STRBP: variants seen among roughly 807,000 people sequenced by gnomAD.
STRBP encodes spermatid perinuclear RNA-binding protein.
A neutral mutation model predicts 80.1 loss-of-function variants in STRBP; 13 were observed. That is an observed-to-expected ratio of 0.16 (90% CI 0.11 to 0.26). STRBP has a LOEUF of 0.26. Among genes scored for constraint, STRBP ranks in the 10% least tolerant of loss-of-function variants. The probability of loss-of-function intolerance (pLI) is 1.00; values close to 1 mark genes in which losing one functional copy is unlikely to be tolerated. For missense variants in STRBP, 485 were observed against 815.2 expected, an observed-to-expected ratio of 0.59 and a Z score of 4.93; for synonymous variants, 284 against 291.2, an observed-to-expected ratio of 0.98 and a Z score of 0.25.
At chr9:123,249,440 G>C (rs1042822247) in intron 1 of STRBP, among the ~76,000 whole-genome samples, 3 of 151,776 alleles carry the variant, frequency 2.0e-5, no homozygotes, top group African/African-American at 7.3e-5. Context: ...CCGAGCTTGA[G>C]ACCAGCCAGG....
At chr9:123,118,334 C>A (rs2035679011), downstream of STRBP, among the ~76,000 whole-genome samples, 1 of 152,158 alleles carries the variant, frequency 6.6e-6, no homozygotes, top group African/African-American at 2.4e-5. Context: ...CTGCTGTTCA[C>A]CTCATTACTT....
At chr9:123,164,342 C>T (rs1296415717) in intron 6 of STRBP, among the ~76,000 whole-genome samples, 2 of 152,118 alleles carry the variant, frequency 1.3e-5, no homozygotes, top group African/African-American at 4.8e-5. Flanking sequence ...CCACCGCACC[C>T]GGCCAGAAAT....
At chr9:123,263,668 A>G (rs1359820609) in intron 1 of STRBP, among the ~76,000 whole-genome samples, 1 of 152,200 alleles carries the variant, frequency 6.6e-6, no homozygotes, top group Non-Finnish European at 1.5e-5. Context: ...CCTCAAATAG[A>G]GCATTACCTG....
chr9:123,257,326 G>A (rs552024126), intron 1 of STRBP, among the ~76,000 whole-genome samples: 8 of 151,850 alleles, frequency 5.3e-5, no homozygotes, highest in African/African-American at 1.2e-4. Context: ...CGCTGAAATC[G>A]CTCTATTATT....
intron 10 of STRBP, 36 bp from the exon 11 acceptor site, chr9:123,158,159 A>G (rs1472080856): frequency 2.6e-6 from 4 of 1,563,132 alleles, no homozygotes; most frequent in East Asian, 2.2e-5. Flanking sequence ...TCACATTTCA[A>G]TAGCCATTCA....
At chr9:123,252,318 T>C (rs1281247908) in intron 1 of STRBP, among the ~76,000 whole-genome samples, 1 of 152,210 alleles carries the variant, frequency 6.6e-6, no homozygotes, top group African/African-American at 2.4e-5. Flanking sequence ...CTGAGCCCTT[T>C]AGAGACATCA....
chr9:123,242,587 G>A (rs1474320714), intron 1 of STRBP, among the ~76,000 whole-genome samples: 1 of 152,148 alleles, frequency 6.6e-6, no homozygotes, highest in African/African-American at 2.4e-5. Flanking sequence ...TTGAACCCAG[G>A]AGGAAAAGGT....
chr9:123,174,878 A>G (rs2038154601), intron 4 of STRBP, among the ~76,000 whole-genome samples: 1 of 152,252 alleles, frequency 6.6e-6, no homozygotes, highest in South Asian at 2.1e-4. Context: ...ATCACAAATG[A>G]AAATAGTAAC....
chr9:123,113,109 C>CT (rs1233481244), intron 3 of STRBP: 1 of 167,156 alleles, frequency 6.0e-6, no homozygotes, highest in African/African-American at 2.4e-5. Context: ...CTTCCCCACT[C>CT]TAATACCAAA....
chr9:123,128,276 A>T lies in STRBP; in HGVS notation c.1898-18T>A. The T allele has an allele frequency of 6.2e-7, 1 of 1,614,114 alleles. No individual in the cohort carries two copies. The highest frequency in any genetic ancestry group is 8.5e-7 in the Non-Finnish European group (1 of 1,179,974). ...TCCATAGCCTAGTGCAAAGAAGAAG[A>T]AGGCAGATCAGTCCAAGACCCAGGG... is the stretch of plus-strand genomic sequence containing the variant. On this transcript the variant is annotated intron_variant, in intron 17 of 18. Transcript: ENST00000348403.
chr9:123,159,004 C>A (rs1298967748), intron 9 of STRBP, 92 bp downstream of exon 9: 1 of 1,010,936 alleles, frequency 9.9e-7, no homozygotes, highest in Non-Finnish European at 1.5e-6. Flanking sequence ...GCATCATTTT[C>A]CTGTGTAGAG....
At chr9:123,223,457 G>A (rs2040137391) in intron 2 of STRBP, among the ~76,000 whole-genome samples, 1 of 152,044 alleles carries the variant, frequency 6.6e-6, no homozygotes, top group East Asian at 1.9e-4. Context: ...TGGGAGTGAG[G>A]GGATAGAATG....
chr9:123,166,445 A>G (rs2037761873), intron 6 of STRBP, among the ~76,000 whole-genome samples: 1 of 152,198 alleles, frequency 6.6e-6, no homozygotes, highest in Admixed American at 6.5e-5. Flanking sequence ...AAGGTCACAC[A>G]GCAATAGCAA....
intron 6 of STRBP, among the ~76,000 whole-genome samples, chr9:123,165,839 G>C (rs1050127430): frequency 7.9e-5 from 12 of 151,960 alleles, no homozygotes; most frequent in Non-Finnish European, 1.6e-4. Context: ...TACCCCATAG[G>C]GCCATGTGAG....
At chr9:123,214,250 A>G (rs2039818239) in intron 2 of STRBP, among the ~76,000 whole-genome samples, 1 of 152,068 alleles carries the variant, frequency 6.6e-6, no homozygotes. Flanking sequence ...ATGGTACTGG[A>G]GACCATTATT....
intron 2 of STRBP, among the ~76,000 whole-genome samples, chr9:123,215,170 G>A (rs1266175335): frequency 2.0e-5 from 3 of 152,074 alleles, no homozygotes; most frequent in Admixed American, 1.3e-4. Flanking sequence ...GGGCTCAAGC[G>A]ATCCTCCCAC....
intron 2 of STRBP, among the ~76,000 whole-genome samples, chr9:123,192,041 TG>T: frequency 6.6e-6 from 1 of 152,214 alleles, no homozygotes; most frequent in Non-Finnish European, 1.5e-5. Flanking sequence ...GTGAAGGAAC[TG>T]GAGGCATCAG....
intron 2 of STRBP, among the ~76,000 whole-genome samples, chr9:123,191,091 A>C (rs1019476362): frequency 6.6e-6 from 1 of 152,250 alleles, no homozygotes; most frequent in African/African-American, 2.4e-5. Context: ...AAGACAATAA[A>C]TATAAAAATA....
intron 13 of STRBP, among the ~76,000 whole-genome samples, chr9:123,141,711 CTTA>C (rs1213629741): frequency 2.0e-5 from 3 of 152,202 alleles, no homozygotes; most frequent in Admixed American, 6.5e-5. Flanking sequence ...ATCAGATTCA[CTTA>C]TTATTATTAC....
Sources: allele counts gnomAD v4.1 joint callset (sites outside exome capture counted in the v4.1 genomes callset), GRCh38; gene constraint gnomAD v4.1.1; transcripts MANE v1.5; gene names NCBI Gene and HGNC (gene_info 2026-07-23, HGNC 2026-07-21).